Variants in KLF12 observed in about 807,000 individuals in gnomAD.
KLF12 encodes the protein Krueppel-like factor 12.
In KLF12, 9 loss-of-function variants were observed where a neutral mutation model predicts 37.8. The observed-to-expected ratio is 0.24, with a 90% CI of 0.14 to 0.42. KLF12 has a LOEUF of 0.42. Among genes scored for constraint, KLF12 ranks in the 10% least tolerant of loss-of-function variants. The pLI is 1.00. For missense variants in KLF12, 411 were observed against 516.0 expected, an observed-to-expected ratio of 0.80 and a Z score of 1.97; for synonymous variants, 208 against 202.1, an observed-to-expected ratio of 1.03 and a Z score of -0.25.
chr13:73,999,766 C>T (rs1427135693), intron 1 of KLF12, among the ~76,000 whole-genome samples: 1 of 145,134 alleles, frequency 6.9e-6, no homozygotes, highest in Non-Finnish European at 1.5e-5. Context: ...AAACAAAAAC[C>T]CCAGGCACAA....
At chr13:73,967,565 G>C (rs190688474) in intron 2 of KLF12, among the ~76,000 whole-genome samples, 156 of 152,284 alleles carry the variant, frequency 1.0e-3, no homozygotes, top group African/African-American at 3.6e-3. Context: ...CCCTTAAGGT[G>C]TATTATTCTT....
At chr13:73,757,054 TTGGGTGA>T (rs1879217931) in intron 6 of KLF12, among the ~76,000 whole-genome samples, 1 of 152,174 alleles carries the variant, frequency 6.6e-6, no homozygotes, top group East Asian at 1.9e-4. Context: ...CATACATTAT[TTGGGTGA>T]TGGATACTCT....
chr13:74,043,517 A>G (rs370007564), intron 1 of KLF12, among the ~76,000 whole-genome samples: 51 of 152,270 alleles, frequency 3.3e-4, no homozygotes, highest in African/African-American at 1.2e-3. Flanking sequence ...TAATGGTTTG[A>G]CTGATTTTTG....
the KLF12 span, among the ~76,000 whole-genome samples, chr13:74,152,904 AT>A: frequency 6.8e-6 from 1 of 147,300 alleles, no homozygotes. Flanking sequence ...AATAATAATA[AT>A]AATAATAATA....
At position 73,843,407 on chromosome 13, in the gene KLF12, C is replaced by T. The variant is rs1382122208; in HGVS notation, c.670+2420G>A. Among the ~76,000 whole-genome samples the T allele has an allele frequency of 5.9e-5, 9 of 151,788 alleles. No homozygotes were observed. The East Asian group carries it at 1.6e-3, about 26-fold the overall frequency. On this transcript the variant is annotated intron_variant, in intron 4 of 7. Transcript: ENST00000377669. ...GCAACCTCCACCTCCCGGGTTTAAG[C>T]GATGATTCTCCTGCCTCAGCCTCCT...
At chr13:73,918,100 C>G (rs1888931735) in intron 3 of KLF12, among the ~76,000 whole-genome samples, 2 of 151,854 alleles carry the variant, frequency 1.3e-5, no homozygotes, top group Non-Finnish European at 2.9e-5. Flanking sequence ...ACACCATATA[C>G]ACACACACAT....
chr13:73,739,247 TA>T (rs1272027611), intron 6 of KLF12, among the ~76,000 whole-genome samples: 2 of 40,772 alleles, frequency 4.9e-5, no homozygotes, highest in Non-Finnish European at 1.8e-4. Context: ...TTAATAATAA[TA>T]ATAATAATAA....
intron 1 of KLF12, among the ~76,000 whole-genome samples, chr13:74,042,204 T>A (rs1181967160): frequency 6.7e-6 from 1 of 150,098 alleles, no homozygotes; most frequent in Non-Finnish European, 1.5e-5. Context: ...CTCAGGAGGA[T>A]GAGGCAGGAG....
intron 5 of KLF12, among the ~76,000 whole-genome samples, chr13:73,765,411 CT>C (rs1265259211): frequency 6.6e-6 from 1 of 152,148 alleles, no homozygotes; most frequent in Non-Finnish European, 1.5e-5. Flanking sequence ...TCTAAGTGCC[CT>C]CTCCTTCACT....
At chr13:73,858,815 A>C (rs1219038470) in intron 3 of KLF12, among the ~76,000 whole-genome samples, 3 of 152,246 alleles carry the variant, frequency 2.0e-5, no homozygotes, top group African/African-American at 7.2e-5. Context: ...ATAAAAATGG[A>C]GAGCATTAAG....
chr13:74,213,109 T>G, the KLF12 span, among the ~76,000 whole-genome samples: 1 of 152,188 alleles, frequency 6.6e-6, no homozygotes. Context: ...TACATAATTC[T>G]ACCCAGAGAT....
chr13:74,281,077 GT>G, the KLF12 span, among the ~76,000 whole-genome samples: 1 of 151,652 alleles, frequency 6.6e-6, no homozygotes, highest in Non-Finnish European at 1.5e-5. Context: ...TCTATACTTT[GT>G]TGTATTTTAT....
At chr13:74,276,395 G>T in the KLF12 span, among the ~76,000 whole-genome samples, 1 of 152,000 alleles carries the variant, frequency 6.6e-6, no homozygotes, top group Non-Finnish European at 1.5e-5. Flanking sequence ...ATTGTAATAC[G>T]ATCAAATTTT....
intron 1 of KLF12, among the ~76,000 whole-genome samples, chr13:73,998,570 G>A (rs373394391): frequency 5.9e-5 from 9 of 152,088 alleles, no homozygotes; most frequent in African/African-American, 1.4e-4. Flanking sequence ...TTCCAGCACC[G>A]ATTTTAAAAA....
intron 4 of KLF12, among the ~76,000 whole-genome samples, chr13:73,821,025 C>G (rs1356435729): frequency 6.6e-6 from 1 of 152,198 alleles, no homozygotes; most frequent in African/African-American, 2.4e-5. Context: ...AGGATTGAGT[C>G]GTTGTCACAG....
At chr13:74,224,996 A>T in the KLF12 span, among the ~76,000 whole-genome samples, 1 of 152,168 alleles carries the variant, frequency 6.6e-6, no homozygotes, top group Non-Finnish European at 1.5e-5. Flanking sequence ...GCCCAGAAAA[A>T]TTGGAACTTT....
At chr13:73,807,525 A>G (rs1882710606) in intron 5 of KLF12, among the ~76,000 whole-genome samples, 1 of 152,178 alleles carries the variant, frequency 6.6e-6, no homozygotes, top group Non-Finnish European at 1.5e-5. Flanking sequence ...CAGGCAGAGA[A>G]CGACAGTGAA....
the KLF12 span, among the ~76,000 whole-genome samples, chr13:74,272,885 TTC>T: frequency 1.3e-5 from 2 of 152,152 alleles, no homozygotes; most frequent in Non-Finnish European, 2.9e-5. Context: ...GTACCTGGTA[TTC>T]TGAGTGAGAT....
rs532601558 is a variant in KLF12, at chr13:74,035,606, T to C, written c.-31-40553A>G. Reference sequence around the variant, plus strand: ...AAAAAGCTGGTACTACCCAGTTCTTTAGAAGTAATCTTTCTCTCACAAATT... The same window carrying C: ...AAAAAGCTGGTACTACCCAGTTCTTCAGAAGTAATCTTTCTCTCACAAATT... On this transcript the variant is annotated intron_variant, in intron 1 of 7. Transcript: ENST00000377669. Among the ~76,000 whole-genome samples the C allele has an allele frequency of 5.9e-5, 9 of 152,330 alleles. No individual in the cohort carries two copies. The South Asian group carries it at 1.9e-3, about 32-fold the overall frequency.
Sources: allele counts gnomAD v4.1 joint callset (sites outside exome capture counted in the v4.1 genomes callset), GRCh38; gene constraint gnomAD v4.1.1; transcripts MANE v1.5; gene names NCBI Gene and HGNC (gene_info 2026-07-23, HGNC 2026-07-21).